The following VWF variants were observed in gnomAD, a reference collection of about 807,000 sequenced individuals.
The protein encoded by VWF is von Willebrand factor, also known as Factor VIII related antigen.
In VWF, 176 loss-of-function variants were observed where a neutral mutation model predicts 308.6. That is an observed-to-expected ratio of 0.57 (90% CI 0.50 to 0.65). The LOEUF (loss-of-function observed/expected upper bound fraction) is 0.65, where lower values mean the gene tolerates loss of function less well. Ranked by LOEUF, VWF falls within the 30% of genes least tolerant of loss-of-function variation. VWF has a pLI of 0.00. For synonymous variants in VWF, 1,385 were observed against 1,443.4 expected (o/e 0.96, Z 0.92); for missense variants, 3,146 against 3,648.2 (o/e 0.86, Z 3.55).
rs759684646 is a variant in VWF, at chr12:6,056,992, A to G, written c.1810T>C (p.Tyr604His). 1.3e-6 allele frequency: 2 copies of G among 1,546,502 alleles called. No individual in the cohort carries two copies. The highest frequency in any genetic ancestry group is 2.4e-5 in the South Asian group (2 of 84,446). Residue 604 changes from tyrosine (Y) to histidine (H), a missense_variant, in exon 15 of 52, where the codon TAC (tyrosine) becomes CAC (histidine). Tyr to His is a moderately conservative substitution (Grantham distance 83, BLOSUM62 2). Coordinates refer to ENST00000261405, the MANE Select transcript of VWF (RefSeq NM_000552.5). ...ACGTCGTAGCGGCAGTTCCGCAGGT[A>G]GGGCAGCGGGCTGACGGCACGATGG... ...ACHRAVSPLP[Y>H]LRNCRYDVCS...
chr12:6,093,971 G>C (rs1945077983), intron 6 of VWF, among the ~76,000 whole-genome samples: 1 of 152,202 alleles, frequency 6.6e-6, no homozygotes, highest in Non-Finnish European at 1.5e-5. Context: ...AAGGGGTGGG[G>C]CAGTCCTCCC....
intron 6 of VWF, 121 bp downstream of exon 6, chr12:6,095,339 G>A (rs1328585212): frequency 2.7e-6 from 4 of 1,493,928 alleles, no homozygotes; most frequent in Admixed American, 1.7e-5. Context: ...AGTTTTGGAG[G>A]AAATGGCCCT....
chr12:6,029,389 A>G lies in VWF; in HGVS notation c.2920T>C (p.Trp974Arg). ...ACGGAGATGCTCAGGTGGCGGTCCCAGACCACGGAGAGGGCTTTGCCCAGC... is the reference window on the plus strand; with the variant it reads ...ACGGAGATGCTCAGGTGGCGGTCCCGGACCACGGAGAGGGCTTTGCCCAGC... ...LLLGKALSVV[W>R]DRHLSISVVL... The change falls in exon 22 of 52, where the codon TGG (tryptophan) becomes CGG (arginine). Residue 974 changes from tryptophan (W) to arginine (R), a missense_variant. Coordinates refer to ENST00000261405, the MANE Select transcript of VWF (RefSeq NM_000552.5). 5.6e-6 allele frequency: 9 copies of G among 1,614,186 alleles called. No homozygotes were observed. The highest frequency in any genetic ancestry group is 6.8e-6 in the Non-Finnish European group (8 of 1,180,030).
rs1453506829 is a variant in VWF at position 6,029,384 on chromosome 12, G to T, written c.2925C>A (p.Asp975Glu). 2.5e-6 allele frequency: 4 copies of T among 1,614,128 alleles called. No individual in the cohort carries two copies. Among genetic ancestry groups the T allele is most frequent in the Non-Finnish European group, 3.4e-6 (4 of 1,180,026 alleles). ...GGACCACGGAGATGCTCAGGTGGCG[G>T]TCCCAGACCACGGAGAGGGCTTTGC... is the stretch of plus-strand genomic sequence containing the variant. ...LLGKALSVVW[D>E]RHLSISVVLK... The change falls in exon 22 of 52, where the codon GAC becomes GAA. Residue 975 changes from aspartate to glutamate, a missense_variant. Physicochemically the swap from Asp to Glu is conservative, Grantham distance 45. Transcript: ENST00000261405.
intron 48 of VWF, 124 bp downstream of exon 48, chr12:5,953,372 G>T: frequency 1.4e-6 from 1 of 722,964 alleles, no homozygotes; most frequent in Non-Finnish European, 2.4e-6. Flanking sequence ...TATATAATCA[G>T]AAAGAAATAG....
chr12:6,091,415 G>T (rs1945033858), intron 6 of VWF, among the ~76,000 whole-genome samples: 1 of 152,124 alleles, frequency 6.6e-6, no homozygotes, highest in South Asian at 2.1e-4. Context: ...CTGGATTATT[G>T]TGGAGGTCAC....
At chr12:6,014,454 G>A (rs1428743380) in intron 31 of VWF, among the ~76,000 whole-genome samples, 11 of 152,188 alleles carry the variant, frequency 7.2e-5, no homozygotes, top group South Asian at 2.1e-4. Flanking sequence ...ATGGGGACTC[G>A]GATTGAGGTG....
At chr12:5,963,997 G>A (rs192959308) in intron 47 of VWF, among the ~76,000 whole-genome samples, 1 of 151,878 alleles carries the variant, frequency 6.6e-6, no homozygotes, top group Non-Finnish European at 1.5e-5. Flanking sequence ...CACGAGGTCA[G>A]GAGATTGAGA....
chr12:6,010,019 T>C (rs362255), intron 34 of VWF, among the ~76,000 whole-genome samples: 29 of 152,104 alleles, frequency 1.9e-4, no homozygotes, highest in Admixed American at 3.3e-4. Context: ...ATAGTTTCAG[T>C]CACACAAAAC....
At chr12:6,022,635 T>G in intron 26 of VWF, 105 bp downstream of exon 26, 1 of 294,772 alleles carries the variant, frequency 3.4e-6, no homozygotes, top group South Asian at 2.8e-5. Flanking sequence ...AGGTCAGAGA[T>G]AGGACGTGGC....
Position 6,019,082 on chromosome 12 carries a change from G to C in VWF, c.4336C>G (p.Leu1446Val). The C allele has an allele frequency of 1.2e-6, 2 of 1,613,892 alleles. No homozygotes were observed. Among genetic ancestry groups the C allele is most frequent in the Non-Finnish European group, 1.7e-6 (2 of 1,179,856 alleles). The change falls in exon 28 of 52, where the codon CTG becomes GTG. Residue 1446 changes from leucine (L) to valine (V), a missense_variant. Transcript: ENST00000261405. The surrounding 1 kb of genome is among the most constrained non-coding windows in gnomAD (Gnocchi z 5.8). ...KAFVLSSVDELEQQRDEIVSY... is the reference protein window; with the variant it reads ...KAFVLSSVDEVEQQRDEIVSY... The stretch of plus-strand genomic sequence containing the variant: ...ACGATCTCGTCCCTTTGCTGCTCCA[G>C]CTCATCCACACTGCTCAGCACGAAG...
chr12:5,952,613 C>T, intron 48 of VWF, 94 bp from the exon 49 acceptor site: 1 of 1,505,520 alleles, frequency 6.6e-7, no homozygotes, highest in South Asian at 1.2e-5. Context: ...GATGACGAAA[C>T]AATCTGCAGA....
At chr12:6,108,587 T>TAAA (rs1193581616) in intron 5 of VWF, among the ~76,000 whole-genome samples, 4 of 120,308 alleles carry the variant, frequency 3.3e-5, no homozygotes, top group African/African-American at 1.2e-4. Flanking sequence ...AGAACACTTG[T>TAAA]AAAAAAAAAA....
At chr12:6,094,970 C>T (rs1040082739) in intron 6 of VWF, among the ~76,000 whole-genome samples, 3 of 149,566 alleles carry the variant, frequency 2.0e-5, no homozygotes, top group African/African-American at 7.4e-5. Context: ...ACGTCATTCT[C>T]CTGCCTCAGT....
intron 2 of VWF, among the ~76,000 whole-genome samples, chr12:6,122,348 G>T (rs1050728214): frequency 6.6e-6 from 1 of 152,162 alleles, no homozygotes; most frequent in East Asian, 1.9e-4. Context: ...AAACAGATCA[G>T]ACTGTGTGCC....
chr12:6,094,879 AT>A (rs386375484), intron 6 of VWF, among the ~76,000 whole-genome samples: 7,877 of 104,750 alleles, frequency 0.075, 595 homozygotes, highest in African/African-American at 0.28. Flanking sequence ...TGCCCAGCTA[AT>A]TTTTTTTTTT....
chr12:5,988,707 G>A (rs962272275), intron 38 of VWF, among the ~76,000 whole-genome samples: 3 of 152,150 alleles, frequency 2.0e-5, no homozygotes, highest in African/African-American at 7.2e-5. Flanking sequence ...AAAAGCAACC[G>A]TAGTGGCTCT....
intron 31 of VWF, among the ~76,000 whole-genome samples, chr12:6,015,063 C>T (rs185252433): frequency 2.0e-5 from 3 of 152,186 alleles, no homozygotes; most frequent in African/African-American, 7.2e-5. Flanking sequence ...CTATTAGCAG[C>T]TTTTCAGCTC....
intron 16 of VWF, among the ~76,000 whole-genome samples, chr12:6,050,329 T>C (rs1944494959): frequency 6.6e-6 from 1 of 152,200 alleles, no homozygotes; most frequent in African/African-American, 2.4e-5. Context: ...CTGCTATCGC[T>C]TGATCCAAGG....
Sources: allele counts gnomAD v4.1 joint callset (sites outside exome capture counted in the v4.1 genomes callset), GRCh38; gene constraint gnomAD v4.1.1; non-coding constraint Gnocchi (gnomAD v3.1); transcripts MANE v1.5; gene names NCBI Gene and HGNC (gene_info 2026-07-23, HGNC 2026-07-21).